Variants in MCCC2 observed in about 807,000 individuals in gnomAD.
MCCC2 encodes methylcrotonyl-CoA carboxylase subunit 2.
Under a neutral mutation model 77.2 loss-of-function variants are expected in MCCC2, and 52 were observed. The observed-to-expected ratio is 0.67, with a 90% CI of 0.54 to 0.85. The LOEUF is 0.85. MCCC2 is among the 40% of genes least tolerant of loss of function. The probability of loss-of-function intolerance (pLI) is 0.00; values close to 1 mark genes in which losing one functional copy is unlikely to be tolerated. For missense variants in MCCC2, 682 were observed against 703.2 expected (o/e 0.97, Z 0.34); for synonymous variants, 253 against 248.4 (o/e 1.02, Z -0.18).
chr5:71,590,569 C>A (rs1477705472), intron 1 of MCCC2, among the ~76,000 whole-genome samples: 2 of 152,260 alleles, frequency 1.3e-5, no homozygotes, highest in African/African-American at 4.8e-5. Context: ...GTAATCCTAG[C>A]GCTTTGGGAG....
intron 8 of MCCC2, among the ~76,000 whole-genome samples, chr5:71,632,872 C>T (rs992591481): frequency 7.9e-5 from 12 of 151,994 alleles, no homozygotes; most frequent in African/African-American, 2.7e-4. Flanking sequence ...TAAGAAGACC[C>T]TCTACCTCCT....
chr5:71,592,924 A>G lies in MCCC2; in HGVS notation c.130-2A>G, dbSNP rs1022880212. On this transcript the variant is annotated splice_acceptor_variant, in intron 1 of 16. Coordinates refer to ENST00000340941, the MANE Select transcript of MCCC2 (RefSeq NM_022132.5). LOFTEE classifies it high-confidence loss of function. ...CCCCTGTCTCCTCTATTTCTGTTTTAGGAGAACTACAAGCAGATGAAAGCA... is the reference window on the plus strand; with the variant it reads ...CCCCTGTCTCCTCTATTTCTGTTTTGGGAGAACTACAAGCAGATGAAAGCA... 1 of 1,599,788 alleles carries G rather than the reference A, an allele frequency of 6.3e-7. No homozygotes were observed. The highest frequency in any genetic ancestry group is 8.5e-7 in the Non-Finnish European group (1 of 1,172,578).
chr5:71,641,458 A>T (rs1159686936), intron 11 of MCCC2: 1 of 273,056 alleles, frequency 3.7e-6, no homozygotes, highest in Admixed American at 5.1e-5. Flanking sequence ...CAATTCAACG[A>T]GGAAGTTTTA....
chr5:71,648,043 T>C lies in MCCC2; in HGVS notation c.1217-1054T>C, dbSNP rs182282668. On this transcript the variant is annotated intron_variant, in intron 13 of 16. Coordinates refer to ENST00000340941, the MANE Select transcript of MCCC2 (RefSeq NM_022132.5). ...TCAAGGCTGGGGAGATTGAGGAGTT[T>C]CTGAGCTTTTCTGAGGGTCCAGCTG... 1.5e-4 allele frequency among the ~76,000 whole-genome samples: 23 copies of C among 152,156 alleles called. 1 individual carries two copies. Among genetic ancestry groups the C allele is most frequent in the Non-Finnish European group, 2.8e-4 (19 of 68,034 alleles).
intron 7 of MCCC2, among the ~76,000 whole-genome samples, chr5:71,631,601 C>G (rs1004073094): frequency 6.8e-6 from 1 of 147,016 alleles, no homozygotes; most frequent in Non-Finnish European, 1.5e-5. Flanking sequence ...ACTGCAGTGG[C>G]GCAATCTCGG....
intron 6 of MCCC2, among the ~76,000 whole-genome samples, chr5:71,625,912 T>C (rs1484703514): frequency 1.3e-5 from 2 of 152,216 alleles, no homozygotes; most frequent in Non-Finnish European, 2.9e-5. Context: ...TTAAAAAATA[T>C]TCATTATATA....
At chr5:71,611,813 G>A (rs1204246159) in intron 6 of MCCC2, among the ~76,000 whole-genome samples, 1 of 149,954 alleles carries the variant, frequency 6.7e-6, no homozygotes, top group Non-Finnish European at 1.5e-5. Flanking sequence ...TTTTGAGATG[G>A]AGTCTTGCTC....
At chr5:71,602,847 AC>A in intron 5 of MCCC2, 1 of 625,604 alleles carries the variant, frequency 1.6e-6, no homozygotes, top group Non-Finnish European at 2.6e-6. Context: ...ATACATTTTG[AC>A]GCATGCCAGT....
intron 1 of MCCC2, among the ~76,000 whole-genome samples, chr5:71,591,434 G>GTTTTT (rs67936266): frequency 4.2e-5 from 4 of 95,232 alleles, no homozygotes; most frequent in Non-Finnish European, 4.4e-5. Flanking sequence ...GTTTTGTTCT[G>GTTTTT]TTTTTTTTTT....
intron 6 of MCCC2, among the ~76,000 whole-genome samples, chr5:71,622,908 C>T (rs754783524): frequency 8.5e-5 from 13 of 152,200 alleles, no homozygotes; most frequent in Admixed American, 6.5e-5. Flanking sequence ...AGATCGAGAC[C>T]ATCCTGGCTA....
At position 71,633,131 on chromosome 5, in the gene MCCC2, A is replaced by AT. The variant is rs1306338509; in HGVS notation, c.803+951dup. On this transcript the variant is annotated intron_variant, in intron 8 of 16. Coordinates refer to ENST00000340941, the MANE Select transcript of MCCC2 (RefSeq NM_022132.5). ...TATATATATATATATATATATATAT[A>AT]TTTTTATTTTTTGTAGAAACAGGTG... is the stretch of plus-strand genomic sequence containing the variant. Among the ~76,000 whole-genome samples, 596 of 78,002 alleles carry AT rather than the reference A, an allele frequency of 7.6e-3. 21 individuals are homozygous for AT. The highest frequency in any genetic ancestry group is 0.032 in the Middle Eastern group (4 of 124). 51.2% of individuals were successfully genotyped at this position (78,002 alleles called of 152,430 possible). A position where few individuals can be genotyped will look rare whatever the true frequency, so the allele number is the denominator to read the frequency against.
intron 3 of MCCC2, among the ~76,000 whole-genome samples, chr5:71,598,606 A>ATTTTTTTT (rs34190236): frequency 1.9e-4 from 22 of 115,314 alleles, no homozygotes; most frequent in South Asian, 2.9e-4. Flanking sequence ...CGCCTGGCTA[A>ATTTTTTTT]TTTTTTTTTT....
chr5:71,631,972 C>CT, intron 7 of MCCC2, 149 bp from the exon 8 acceptor site: 4 of 755,398 alleles, frequency 5.3e-6, no homozygotes, highest in Non-Finnish European at 9.5e-6. Flanking sequence ...TCCAGGTTTC[C>CT]TAGGTGCATG....
intron 15 of MCCC2, among the ~76,000 whole-genome samples, chr5:71,652,242 G>A (rs1198360645): frequency 6.6e-6 from 1 of 152,036 alleles, no homozygotes; most frequent in Non-Finnish European, 1.5e-5. Context: ...AGATTTGGTT[G>A]GTATTTTACC....
At chr5:71,643,927 CTGTTT>C in intron 12 of MCCC2, 32 bp downstream of exon 12, 1 of 1,612,740 alleles carries the variant, frequency 6.2e-7, no homozygotes, top group Non-Finnish European at 8.5e-7. Context: ...TCAAGATTTT[CTGTTT>C]TAATTTAACA....
At chr5:71,623,621 A>G (rs1746433910) in intron 6 of MCCC2, among the ~76,000 whole-genome samples, 2 of 152,208 alleles carry the variant, frequency 1.3e-5, no homozygotes, top group African/African-American at 2.4e-5. Flanking sequence ...CACTTGCCAT[A>G]TTCTCTTTAT....
rs1462623533 is a variant in MCCC2 at position 71,587,400 on chromosome 5, C to T, written c.-26C>T. On this transcript the variant is annotated 5_prime_UTR_variant, in exon 1 of 17. Transcript: ENST00000340941. Reference sequence around the variant, plus strand: ...GCACCGGCTCCAGGCCAGCGTGGGCCGCTCTCTCGCTCGGTGCCCGCCGCC... The same window carrying T: ...GCACCGGCTCCAGGCCAGCGTGGGCTGCTCTCTCGCTCGGTGCCCGCCGCC... 9.8e-6 allele frequency: 15 copies of T among 1,532,248 alleles called. No homozygotes were observed. The highest frequency in any genetic ancestry group is 1.3e-5 in the Non-Finnish European group (15 of 1,145,456). The allele number at this position is 1,532,248 out of a possible 1,614,324, so 94.9% of individuals were successfully genotyped here.
rs1235766070 is a variant in MCCC2, at chr5:71,643,883, A to G, written c.1137A>G (p.Glu379=). 1 of 1,614,070 alleles carries G rather than the reference A, an allele frequency of 6.2e-7. No individual in the cohort carries two copies. The highest frequency in any genetic ancestry group is 1.7e-5 in the Admixed American group (1 of 60,022). Residue 379 remains glutamate, a synonymous_variant, in exon 12 of 17, where the codon GAA becomes GAG. Transcript: ENST00000340941. ...IVGNNGVLFS[E]SAKKGTHFVQ... ...GAAACAACGGAGTTCTCTTTTCTGA[A>G]TCTGCAAAAAAGGCAAGTACTGTTA...
chr5:71,597,916 T>G (rs1342098413), intron 3 of MCCC2, among the ~76,000 whole-genome samples: 1 of 152,204 alleles, frequency 6.6e-6, no homozygotes, highest in Non-Finnish European at 1.5e-5. Context: ...TGGGGCAAGA[T>G]TGCTTATGAA....
Sources: gnomAD v4.1 joint callset for allele counts (sites outside exome capture counted in the v4.1 genomes callset) on GRCh38, gnomAD v4.1.1 for gene constraint, MANE v1.5 for transcripts, NCBI Gene and HGNC (gene_info 2026-07-23, HGNC 2026-07-21) for gene names.